The following SULT1C3 variants were observed in gnomAD, a reference collection of about 807,000 sequenced individuals.
The protein encoded by SULT1C3 is sulfotransferase 1C3.
SULT1C3 carries 31 observed loss-of-function variants against 28.4 expected under a neutral mutation model. The ratio of observed to expected loss-of-function variants is 1.09; its 90% CI spans 0.82 to 1.47. The LOEUF (loss-of-function observed/expected upper bound fraction) is 1.47, where lower values mean the gene tolerates loss of function less well. Ranked by LOEUF, SULT1C3 falls within the 40% of genes most tolerant of loss-of-function variation. The probability of loss-of-function intolerance (pLI) is 0.00; values close to 1 mark genes in which losing one functional copy is unlikely to be tolerated. For missense variants in SULT1C3, 307 were observed against 272.5 expected (o/e 1.13, Z -0.89); for synonymous variants, 106 against 92.2 (o/e 1.15, Z -0.86).
chr2:108,249,604 G>A (rs975004784), intron 2 of SULT1C3, among the ~76,000 whole-genome samples: 1 of 151,996 alleles, frequency 6.6e-6, no homozygotes, highest in African/African-American at 2.4e-5. Context: ...ACACTACGGA[G>A]AGAAATTGTA....
At chr2:108,241,384 A>G (rs1038133979) in intron 1 of SULT1C3, among the ~76,000 whole-genome samples, 3 of 152,256 alleles carry the variant, frequency 2.0e-5, no homozygotes, top group Non-Finnish European at 4.4e-5. Context: ...AAAAATAAAC[A>G]TGCTCCAAAT....
chr2:108,260,890 T>C (rs1454701290), downstream of SULT1C3, among the ~76,000 whole-genome samples: 2 of 152,016 alleles, frequency 1.3e-5, no homozygotes, highest in East Asian at 3.9e-4. Context: ...GAGAGCAGAG[T>C]CCGCCTACAT....
intron 1 of SULT1C3, among the ~76,000 whole-genome samples, chr2:108,242,859 G>A (rs1415283740): frequency 6.6e-6 from 1 of 152,076 alleles, no homozygotes; most frequent in African/African-American, 2.4e-5. Flanking sequence ...ATTAGGAGTG[G>A]TAAGACAAAA....
chr2:108,260,875 A>G lies in SULT1C3; in HGVS notation c.*195A>G, dbSNP rs1676008599. Among the ~76,000 whole-genome samples the G allele has an allele frequency of 6.6e-6, 1 of 152,146 alleles. No individual in the cohort carries two copies. The highest frequency in any genetic ancestry group is 2.4e-5 in the African/African-American group (1 of 41,442). On this transcript the variant is annotated 3_prime_UTR_variant, in exon 8 of 8. Transcript: ENST00000681802. ...GTTACTCCAGTAAATAAAATAAGAG[A>G]ATTAGAGAGCAGAGTCCGCCTACAT...
downstream of SULT1C3, among the ~76,000 whole-genome samples, chr2:108,263,906 G>T (rs945511092): frequency 6.6e-6 from 1 of 152,168 alleles, no homozygotes; most frequent in Non-Finnish European, 1.5e-5. Flanking sequence ...GAATGAATCT[G>T]TTGGCTCCTG....
intron 2 of SULT1C3, among the ~76,000 whole-genome samples, chr2:108,249,044 A>T (rs1675661513): frequency 6.6e-6 from 1 of 152,172 alleles, no homozygotes; most frequent in South Asian, 2.1e-4. Flanking sequence ...TACAGCCACA[A>T]GCAACTGAAT....
At chr2:108,242,463 A>T (rs1023679514) in intron 1 of SULT1C3, among the ~76,000 whole-genome samples, 10 of 152,190 alleles carry the variant, frequency 6.6e-5, no homozygotes, top group African/African-American at 2.4e-4. Flanking sequence ...GAAGGCAATT[A>T]GCCCATCCCC....
chr2:108,240,140 G>A (rs1432456247), intron 1 of SULT1C3, among the ~76,000 whole-genome samples, 57 bp downstream of exon 1: 1 of 152,186 alleles, frequency 6.6e-6, no homozygotes, highest in Non-Finnish European at 1.5e-5. Flanking sequence ...ACCAGGCCCT[G>A]GAAAAGGGTC....
At chr2:108,255,479 G>A in intron 4 of SULT1C3, 93 bp from the exon 5 acceptor site, 1 of 1,410,444 alleles carries the variant, frequency 7.1e-7, no homozygotes, top group South Asian at 1.4e-5. Context: ...AAACTTATAG[G>A]ATATGGTTAC....
chr2:108,242,938 C>T (rs776896729), intron 1 of SULT1C3, among the ~76,000 whole-genome samples: 21 of 152,124 alleles, frequency 1.4e-4, no homozygotes, highest in Non-Finnish European at 2.2e-4. Flanking sequence ...TTAAATATAC[C>T]TATAACTTGA....
At chr2:108,260,533 C>T (rs1300981267) in intron 7 of SULT1C3, 35 bp from the exon 8 acceptor site, 1 of 495,814 alleles carries the variant, frequency 2.0e-6, no homozygotes, top group Admixed American at 2.1e-5. Context: ...GGAATGGGTG[C>T]AGAGTCTGTC....
Position 108,257,478 on chromosome 2 carries a change from C to T in SULT1C3, c.527-1256C>T, listed in dbSNP as rs1482428260. Among the ~76,000 whole-genome samples, 3 of 151,998 alleles carry T rather than the reference C, an allele frequency of 2.0e-5. No homozygotes were observed. In the East Asian group the frequency reaches 5.8e-4, roughly 29 times the overall value. On this transcript the variant is annotated intron_variant, in intron 5 of 7. Transcript: ENST00000681802. ...ATATTATGCATATATATAAAACATG[C>T]ACACACATACATATACATGGATGAG...
chr2:108,264,694 C>T (rs918927877), downstream of SULT1C3: 5 of 936,070 alleles, frequency 5.3e-6, no homozygotes, highest in African/African-American at 8.4e-5. Context: ...CTAGGAGTCA[C>T]TTGAGAAATA....
At chr2:108,257,483 A>G (rs1675902811) in intron 5 of SULT1C3, among the ~76,000 whole-genome samples, 1 of 152,064 alleles carries the variant, frequency 6.6e-6, no homozygotes, top group Admixed American at 6.6e-5. Context: ...ACATGCACAC[A>G]CATACATATA....
chr2:108,256,104 A>T (rs1479654444), intron 5 of SULT1C3, among the ~76,000 whole-genome samples: 2 of 152,066 alleles, frequency 1.3e-5, no homozygotes, highest in African/African-American at 4.8e-5. Context: ...GCACAGCCAC[A>T]GACAGCCTTT....
chr2:108,246,414 G>A (rs191596606), intron 1 of SULT1C3, among the ~76,000 whole-genome samples: 1 of 152,268 alleles, frequency 6.6e-6, no homozygotes, highest in African/African-American at 2.4e-5. Context: ...CGTATCTGGG[G>A]AAGCCTCACA....
At chr2:108,248,275 C>G (rs763297088) in intron 2 of SULT1C3, among the ~76,000 whole-genome samples, 13 of 152,080 alleles carry the variant, frequency 8.5e-5, no homozygotes, top group Non-Finnish European at 1.9e-4. Flanking sequence ...TAAAAACCTC[C>G]TGGTCAGCCA....
intron 2 of SULT1C3, among the ~76,000 whole-genome samples, chr2:108,249,073 C>G (rs376953725): frequency 2.0e-5 from 3 of 152,152 alleles, no homozygotes; most frequent in South Asian, 2.1e-4. Flanking sequence ...CATCTAGGAG[C>G]TTGGCAAAAC....
chr2:108,247,106 G>T, intron 1 of SULT1C3, 82 bp from the exon 2 acceptor site: 2 of 1,052,306 alleles, frequency 1.9e-6, no homozygotes, highest in Non-Finnish European at 2.5e-6. Flanking sequence ...CTAATCAAAG[G>T]CAGTAAGATG....
Sources: allele counts gnomAD v4.1 joint callset (sites outside exome capture counted in the v4.1 genomes callset), GRCh38; gene constraint gnomAD v4.1.1; transcripts MANE v1.5; gene names NCBI Gene and HGNC (gene_info 2026-07-23, HGNC 2026-07-21).